Variants in SMCP observed in about 807,000 individuals in gnomAD.
SMCP encodes the protein sperm mitochondria associated cysteine rich protein, also known as sperm mitochondrial-associated cysteine-rich protein.
For synonymous variants in SMCP, 41 were observed against 46.9 expected, an observed-to-expected ratio of 0.87 and a Z score of 0.51; for missense variants, 137 against 137.1, an observed-to-expected ratio of 1.00 and a Z score of 0.01.
rs754357778 is a variant in SMCP at position 152,884,704 on chromosome 1, T to C, written c.282T>C (p.Thr94=). 6.2e-7 allele frequency: 1 copy of C among 1,613,900 alleles called. No individual in the cohort carries two copies. The highest frequency in any genetic ancestry group is 8.5e-7 in the Non-Finnish European group (1 of 1,180,028). Residue 94 remains threonine (T), a synonymous_variant, in exon 2 of 2, where the codon ACT becomes ACC. Transcript: ENST00000368765. The part of the protein sequence containing the change: ...NMESEPNSPQ[T]QDKGCQTQQQ... The stretch of plus-strand genomic sequence containing the variant: ...AGTCTGAGCCCAACTCACCGCAAAC[T>C]CAGGACAAGGGCTGTCAAACCCAGC...
intron 1 of SMCP, among the ~76,000 whole-genome samples, chr1:152,882,180 AG>A (rs1649074487): frequency 6.6e-6 from 1 of 152,108 alleles, no homozygotes; most frequent in Non-Finnish European, 1.5e-5. Context: ...CATGTTGGCC[AG>A]GCTGGTTCTG....
Position 152,884,890 on chromosome 1 carries a change from A to G in SMCP, c.*117A>G. On this transcript the variant is annotated 3_prime_UTR_variant, in exon 2 of 2. Coordinates refer to ENST00000368765, the MANE Select transcript of SMCP (RefSeq NM_030663.3). Reference sequence around the variant, plus strand: ...GTTTAGAGAAGCAGTTTTCACAGTGACTACCATTTCCACCCAATGAGAGGC... The same window carrying G: ...GTTTAGAGAAGCAGTTTTCACAGTGGCTACCATTTCCACCCAATGAGAGGC... The G allele has an allele frequency of 1.1e-6, 1 of 892,800 alleles. No individual in the cohort carries two copies. The highest frequency in any genetic ancestry group is 1.7e-6 in the Non-Finnish European group (1 of 584,628). The allele number at this position is 892,800 out of a possible 1,614,324, so 55.3% of individuals were successfully genotyped here.
At chr1:152,880,786 C>CT (rs1273062170) in intron 1 of SMCP, among the ~76,000 whole-genome samples, 1 of 152,034 alleles carries the variant, frequency 6.6e-6, no homozygotes, top group Non-Finnish European at 1.5e-5. Context: ...TCACTCTCCC[C>CT]TTTTTAGGTG....
chr1:152,884,540 A>C lies in SMCP; in HGVS notation c.118A>C (p.Asn40His), dbSNP rs751258572. 5 of 1,614,094 alleles carry C rather than the reference A, an allele frequency of 3.1e-6. No homozygotes were observed. The South Asian group carries it at 5.5e-5, about 18-fold the overall frequency. Reference sequence around the variant, plus strand: ...CAATCAATGCTGCCCACCAAAACAGAACCAGTGCTGCCAGCCAAAAGGCAG... The same window carrying C: ...CAATCAATGCTGCCCACCAAAACAGCACCAGTGCTGCCAGCCAAAAGGCAG... ...KGNQCCPPKQNQCCQPKGSQC... is the reference protein window; with the variant it reads ...KGNQCCPPKQHQCCQPKGSQC... The change falls in exon 2 of 2, where the codon AAC (asparagine) becomes CAC (histidine). Residue 40 changes from asparagine to histidine, a missense_variant. By Grantham distance (68) the Asn-to-His change is moderately conservative. Transcript: ENST00000368765.
In SMCP at chr1:152,884,619, G is replaced by A; in HGVS notation, c.197G>A (p.Cys66Tyr). ...TGCTGCCAGCCAAAACCCCCATGCT[G>A]CATTCAGGCCAGGTGCTGTGGTTTG... ...NHCCQPKPPC[C>Y]IQARCCGLET... Residue 66 changes from cysteine (C) to tyrosine (Y), a missense_variant, in exon 2 of 2, where the codon TGC becomes TAC. Physicochemically the swap from Cys to Tyr is radical, Grantham distance 194. Coordinates refer to ENST00000368765, the MANE Select transcript of SMCP (RefSeq NM_030663.3). 6.2e-7 allele frequency: 1 copy of A among 1,614,164 alleles called. No individual in the cohort carries two copies.
intron 1 of SMCP, among the ~76,000 whole-genome samples, chr1:152,882,667 A>T (rs963674552): frequency 6.6e-6 from 1 of 152,052 alleles, no homozygotes; most frequent in Admixed American, 6.5e-5. Flanking sequence ...GTGCACACAC[A>T]CACACACACA....
rs762813316 is a variant in SMCP, at chr1:152,884,454, GCCC to G, written c.33_35del (p.Cys11_Pro12delinsTer). The G allele has an allele frequency of 3.1e-6, 5 of 1,614,162 alleles. No individual in the cohort carries two copies. Among genetic ancestry groups the G allele is most frequent in the Non-Finnish European group, 3.4e-6 (4 of 1,180,034 alleles). On this transcript the variant is annotated stop_gained and inframe_deletion, in exon 2 of 2. Coordinates refer to ENST00000368765, the MANE Select transcript of SMCP (RefSeq NM_030663.3). LOFTEE classifies it low-confidence loss of function (END_TRUNC). Reference sequence around the variant, plus strand: ...GACCAGACAAAACACAGTAAATGCTGCCCAGCAAAAGGCAATCAATGCTGCCCA... The same window carrying G: ...GACCAGACAAAACACAGTAAATGCTGAGCAAAAGGCAATCAATGCTGCCCA...
intron 1 of SMCP, among the ~76,000 whole-genome samples, chr1:152,880,726 C>T (rs1649005979): frequency 6.6e-6 from 1 of 152,056 alleles, no homozygotes; most frequent in African/African-American, 2.4e-5. Flanking sequence ...CCAGGAATAA[C>T]TGGCAGAGAT....
At chr1:152,880,291 C>G (rs750330237) in intron 1 of SMCP, among the ~76,000 whole-genome samples, 11 of 152,106 alleles carry the variant, frequency 7.2e-5, no homozygotes, top group Non-Finnish European at 1.6e-4. Flanking sequence ...TACTGGGCTC[C>G]CTGCATACCC....
Position 152,884,958 on chromosome 1 carries a change from T to A in SMCP, c.*185T>A. 1 of 608,938 alleles carries A rather than the reference T, an allele frequency of 1.6e-6. No homozygotes were observed. The highest frequency in any genetic ancestry group is 3.0e-6 in the Non-Finnish European group (1 of 338,972). 37.7% of individuals were successfully genotyped at this position (608,938 alleles called of 1,614,324 possible). A position where few individuals can be genotyped will look rare whatever the true frequency, so the allele number is the denominator to read the frequency against. On this transcript the variant is annotated 3_prime_UTR_variant, in exon 2 of 2. Coordinates refer to ENST00000368765, the MANE Select transcript of SMCP (RefSeq NM_030663.3). ...GCTCCCTACCCTAGGGAGGCCTCCA[T>A]CTGGAAATGGGAGGATGAAGAGGCT...
chr1:152,882,391 G>A (rs1034397614), intron 1 of SMCP, among the ~76,000 whole-genome samples: 6 of 152,294 alleles, frequency 3.9e-5, no homozygotes, highest in Admixed American at 2.0e-4. Flanking sequence ...AAACATCAGG[G>A]AGAGTGTTTG....
At chr1:152,880,557 G>A (rs1399640451) in intron 1 of SMCP, among the ~76,000 whole-genome samples, 2 of 152,058 alleles carry the variant, frequency 1.3e-5, no homozygotes, top group African/African-American at 2.4e-5. Context: ...TCAAGGCATC[G>A]CAGGGCCTGT....
At chr1:152,882,999 G>A (rs916282684) in intron 1 of SMCP, among the ~76,000 whole-genome samples, 7 of 152,316 alleles carry the variant, frequency 4.6e-5, no homozygotes, top group East Asian at 3.9e-4. Context: ...AGCTGAGATC[G>A]CACCATTGCA....
intron 1 of SMCP, among the ~76,000 whole-genome samples, chr1:152,881,798 C>T (rs1649063542): frequency 6.6e-6 from 1 of 150,796 alleles, no homozygotes; most frequent in East Asian, 2.0e-4. Context: ...CCTCAGGAAA[C>T]ACAATCATGG....
rs1648936029 is a variant in SMCP, at chr1:152,878,429, T to C, written c.-38T>C. On this transcript the variant is annotated 5_prime_UTR_variant, in exon 1 of 2. Coordinates refer to ENST00000368765, the MANE Select transcript of SMCP (RefSeq NM_030663.3). ...AGTCAAGCATGGAAATTGTGAATTG[T>C]GTGTGTGGCCAGACCAGGTAACACA... is the stretch of plus-strand genomic sequence containing the variant. 6.6e-6 allele frequency: 1 copy of C among 152,668 alleles called. No individual in the cohort carries two copies. Among genetic ancestry groups the C allele is most frequent in the African/African-American group, 2.4e-5 (1 of 41,440 alleles). The allele number at this position is 152,668 out of a possible 1,614,324, so 9.5% of individuals were successfully genotyped here. A position where few individuals can be genotyped will look rare whatever the true frequency, so the allele number is the denominator to read the frequency against.
At chr1:152,882,877 C>G (rs1234039684) in intron 1 of SMCP, among the ~76,000 whole-genome samples, 1 of 152,178 alleles carries the variant, frequency 6.6e-6, no homozygotes, top group East Asian at 1.9e-4. Flanking sequence ...AACCCCATCT[C>G]TACTAAAAAT....
chr1:152,879,329 T>C (rs781241324), intron 1 of SMCP, among the ~76,000 whole-genome samples: 1 of 152,238 alleles, frequency 6.6e-6, no homozygotes, highest in Non-Finnish European at 1.5e-5. Flanking sequence ...CAAGTGATTC[T>C]CCTGCCTCAG....
In SMCP at chr1:152,884,422, G is replaced by A. The variant is rs1190447304; in HGVS notation, c.-1G>A. On this transcript the variant is annotated 5_prime_UTR_variant, in exon 2 of 2. Coordinates refer to ENST00000368765, the MANE Select transcript of SMCP (RefSeq NM_030663.3). ...TTCTAGTACCTCCAAGTGTTCAGAAGATGTGTGACCAGACAAAACACAGTA... is the reference window on the plus strand; with the variant it reads ...TTCTAGTACCTCCAAGTGTTCAGAAAATGTGTGACCAGACAAAACACAGTA... 3 of 1,614,004 alleles carry A rather than the reference G, an allele frequency of 1.9e-6. No homozygotes were observed. Among genetic ancestry groups the A allele is most frequent in the African/African-American group, 1.3e-5 (1 of 74,910 alleles).
At chr1:152,882,410 C>T (rs916982479) in intron 1 of SMCP, among the ~76,000 whole-genome samples, 3 of 152,094 alleles carry the variant, frequency 2.0e-5, no homozygotes, top group African/African-American at 7.2e-5. Flanking sequence ...TGGAGCAGGG[C>T]TGTGGGGAAG....
Sources: gnomAD v4.1 joint callset for allele counts (sites outside exome capture counted in the v4.1 genomes callset) on GRCh38, gnomAD v4.1.1 for gene constraint, MANE v1.5 for transcripts, NCBI Gene and HGNC (gene_info 2026-07-23, HGNC 2026-07-21) for gene names.